SIL1: variants seen among roughly 807,000 people sequenced by gnomAD.
SIL1 encodes nucleotide exchange factor SIL1.
A neutral mutation model predicts 49.1 loss-of-function variants in SIL1; 40 were observed. The ratio of observed to expected loss-of-function variants is 0.81; its 90% CI spans 0.63 to 1.06. The LOEUF (loss-of-function observed/expected upper bound fraction) is 1.06. Among genes scored for constraint, SIL1 ranks in the 50% least tolerant of loss-of-function variants. SIL1 has a pLI of 0.00. For missense variants in SIL1, 500 were observed against 572.6 expected (o/e 0.87, Z 1.29); for synonymous variants, 253 against 250.8 (o/e 1.01, Z -0.08).
chr5:139,171,077 G>A (rs554951793), intron 1 of SIL1, among the ~76,000 whole-genome samples: 755 of 147,778 alleles, frequency 5.1e-3, no homozygotes, highest in Admixed American at 8.3e-3. Context: ...GGAGGGAGGT[G>A]GGGGGGTCAG....
chr5:138,950,873 CG>C (rs1258332716), intron 9 of SIL1, among the ~76,000 whole-genome samples: 1 of 152,214 alleles, frequency 6.6e-6, no homozygotes, highest in Non-Finnish European at 1.5e-5. Context: ...GGCCTGGTCT[CG>C]GCTGCTCCAA....
chr5:139,066,662 A>T (rs2150469324), intron 3 of SIL1, among the ~76,000 whole-genome samples: 1 of 152,284 alleles, frequency 6.6e-6, no homozygotes, highest in Non-Finnish European at 1.5e-5. Flanking sequence ...GGTTTTAGGA[A>T]AATTAAAAGT....
intron 3 of SIL1, among the ~76,000 whole-genome samples, chr5:139,095,264 TC>T (rs1770431064): frequency 2.0e-5 from 3 of 146,624 alleles, no homozygotes; most frequent in Middle Eastern, 3.4e-3. Context: ...TTATTGGAAT[TC>T]TTTTTTTTTT....
chr5:139,049,511 G>T (rs1769241340), intron 4 of SIL1, among the ~76,000 whole-genome samples: 1 of 152,124 alleles, frequency 6.6e-6, no homozygotes, highest in South Asian at 2.1e-4. Context: ...AATCCAGGCT[G>T]GGCACAGTGG....
intron 7 of SIL1, among the ~76,000 whole-genome samples, chr5:138,986,693 C>T (rs1014084280): frequency 7.9e-5 from 12 of 152,260 alleles, no homozygotes; most frequent in Non-Finnish European, 1.2e-4. Context: ...TTGCCTCCTT[C>T]GGGGACTAAT....
At chr5:139,000,700 T>C (rs1250029547) in intron 7 of SIL1, among the ~76,000 whole-genome samples, 1 of 152,052 alleles carries the variant, frequency 6.6e-6, no homozygotes, top group African/African-American at 2.4e-5. Flanking sequence ...ACACAGAGAA[T>C]AAACTTCAAG....
At chr5:139,046,328 T>TA (rs1554129020) in intron 4 of SIL1, among the ~76,000 whole-genome samples, 66 of 130,174 alleles carry the variant, frequency 5.1e-4, no homozygotes, top group African/African-American at 1.9e-3. Flanking sequence ...CACCGTCTTA[T>TA]GGGGAAAAAA....
At chr5:139,036,907 C>G (rs184073752) in intron 5 of SIL1, among the ~76,000 whole-genome samples, 304 of 152,112 alleles carry the variant, frequency 2.0e-3, no homozygotes, top group African/African-American at 7.0e-3. Flanking sequence ...TGCATTTTCC[C>G]TATTTTTTAT....
chr5:139,005,177 T>C (rs1476137241), intron 7 of SIL1, among the ~76,000 whole-genome samples: 2 of 152,134 alleles, frequency 1.3e-5, no homozygotes, highest in Admixed American at 1.3e-4. Context: ...AGATTAGTCA[T>C]TCCAGAATGT....
chr5:138,966,962 G>A (rs950642385), intron 7 of SIL1, among the ~76,000 whole-genome samples: 6 of 152,222 alleles, frequency 3.9e-5, no homozygotes, highest in Non-Finnish European at 7.3e-5. Context: ...TCTATTATTT[G>A]TCAAGAAGCT....
chr5:138,992,785 A>T (rs1281179117), intron 7 of SIL1, among the ~76,000 whole-genome samples: 1 of 152,130 alleles, frequency 6.6e-6, no homozygotes, highest in Non-Finnish European at 1.5e-5. Flanking sequence ...TTCTGGTGAC[A>T]GGTGCACCAA....
At chr5:138,951,666 G>C in intron 8 of SIL1, 122 bp downstream of exon 8, 1 of 963,404 alleles carries the variant, frequency 1.0e-6, no homozygotes, top group Non-Finnish European at 1.7e-6. Flanking sequence ...CTCCCCCTGT[G>C]CCACCCAGCA....
rs968620038 is a variant in SIL1 at position 139,198,328 on chromosome 5, G to A, written c.-70C>T. On this transcript the variant is annotated 5_prime_UTR_variant, in exon 1 of 10. Coordinates refer to ENST00000394817, the MANE Select transcript of SIL1 (RefSeq NM_022464.5). ...TCCCACAATTCCAGGCGGCCGCGGC[G>A]GCGACCAGCTCCCCCTGCGCAAACG... is the stretch of plus-strand genomic sequence containing the variant. The A allele has an allele frequency of 1.3e-5, 2 of 152,182 alleles. No individual in the cohort carries two copies. The highest frequency in any genetic ancestry group is 2.9e-5 in the Non-Finnish European group (2 of 68,064). 9.4% of individuals were successfully genotyped at this position (152,182 alleles called of 1,614,324 possible).
intron 7 of SIL1, among the ~76,000 whole-genome samples, chr5:138,983,433 G>A (rs1446910188): frequency 2.0e-5 from 3 of 151,034 alleles, no homozygotes; most frequent in Non-Finnish European, 4.4e-5. Context: ...GCGTGAACCC[G>A]GGCGGAGGAG....
At chr5:139,033,792 G>T (rs970560675) in intron 5 of SIL1, among the ~76,000 whole-genome samples, 14 of 152,074 alleles carry the variant, frequency 9.2e-5, no homozygotes, top group African/African-American at 3.4e-4. Flanking sequence ...TGTATATTCT[G>T]CTGTTGTAGA....
chr5:139,147,888 G>A (rs904925560), intron 1 of SIL1, among the ~76,000 whole-genome samples: 3 of 152,130 alleles, frequency 2.0e-5, no homozygotes, highest in Admixed American at 6.6e-5. Context: ...CTGCCCTGGG[G>A]AGCCGTTCCC....
At chr5:138,974,448 A>T (rs749763784) in intron 7 of SIL1, among the ~76,000 whole-genome samples, 2 of 152,238 alleles carry the variant, frequency 1.3e-5, no homozygotes, top group Non-Finnish European at 1.5e-5. Context: ...CACGGCCTTT[A>T]CATTCTAATG....
chr5:139,073,910 A>AT (rs1769888117), intron 3 of SIL1, among the ~76,000 whole-genome samples: 1 of 152,114 alleles, frequency 6.6e-6, no homozygotes, highest in African/African-American at 2.4e-5. Context: ...CAAAAAAAAA[A>AT]ATACATAAAT....
chr5:139,028,532 CAAAACAAAACAAAA>C (rs1483630116), intron 5 of SIL1, among the ~76,000 whole-genome samples: 1 of 151,366 alleles, frequency 6.6e-6, no homozygotes, highest in African/African-American at 2.4e-5. Context: ...CAAAACAAAA[CAAAACAAAACAAAA>C]CTTTTACTTT....
Sources: gnomAD v4.1 joint callset for allele counts (sites outside exome capture counted in the v4.1 genomes callset) on GRCh38, gnomAD v4.1.1 for gene constraint, MANE v1.5 for transcripts, NCBI Gene and HGNC (gene_info 2026-07-23, HGNC 2026-07-21) for gene names.